Variants in PADI6 observed in about 807,000 individuals in gnomAD.
The protein encoded by PADI6 is inactive protein-arginine deiminase type-6.
Under a neutral mutation model 78.2 loss-of-function variants are expected in PADI6, and 66 were observed. The observed-to-expected ratio is 0.84, with a 90% CI of 0.69 to 1.04. The LOEUF (loss-of-function observed/expected upper bound fraction) is 1.04. Among genes scored for constraint, PADI6 ranks in the 50% least tolerant of loss-of-function variants. PADI6 has a pLI of 0.00. For missense variants in PADI6, 854 were observed against 866.1 expected (o/e 0.99, Z 0.18); for synonymous variants, 397 against 346.9 (o/e 1.14, Z -1.60).
chr1:17,387,462 G>A (rs571411193), intron 6 of PADI6, among the ~76,000 whole-genome samples: 1 of 150,570 alleles, frequency 6.6e-6, no homozygotes, highest in African/African-American at 2.5e-5. Context: ...AAAAGGAGGG[G>A]GGGGGGCCAG....
At chr1:17,381,192 C>T in intron 5 of PADI6, 28 bp downstream of exon 5, 2 of 1,538,680 alleles carry the variant, frequency 1.3e-6, no homozygotes, top group Non-Finnish European at 1.8e-6. Flanking sequence ...CTCTGCCTTT[C>T]CTTCTTGGTC....
chr1:17,372,219 AGTGAGGGCTGC>A lies in PADI6; in HGVS notation c.-25_-15del. The A allele has an allele frequency of 6.2e-7, 1 of 1,600,026 alleles. No homozygotes were observed. Among genetic ancestry groups the A allele is most frequent in the Non-Finnish European group, 8.6e-7 (1 of 1,167,392 alleles). ...TGGGGCGTCTGAGGCTGCTGTGCTG[AGTGAGGGCTGC>A]GGTGCAGGCCTGAGGATGGTCAGCG... On this transcript the variant is annotated 5_prime_UTR_variant, in exon 1 of 16. Coordinates refer to ENST00000619609, the MANE Select transcript of PADI6 (RefSeq NM_207421.4).
rs145873927 is a variant in PADI6 at position 17,394,091 on chromosome 1, C to A, written c.1182+9C>A. The A allele has an allele frequency of 6.2e-7, 1 of 1,610,266 alleles. No individual in the cohort carries two copies. Reference sequence around the variant, plus strand: ...CCATGAAGTACTCACTGGTGTGGAACTTGGTTTGGCTAATCTGAGCTCAGT... The same window carrying A: ...CCATGAAGTACTCACTGGTGTGGAAATTGGTTTGGCTAATCTGAGCTCAGT... On this transcript the variant is annotated intron_variant, in intron 10 of 15. Coordinates refer to ENST00000619609, the MANE Select transcript of PADI6 (RefSeq NM_207421.4).
At position 17,398,846 on chromosome 1, in the gene PADI6, TG is replaced by T; in HGVS notation, c.1851+1del. The T allele has an allele frequency of 6.2e-7, 1 of 1,612,458 alleles. No homozygotes were observed. The highest frequency in any genetic ancestry group is 8.5e-7 in the Non-Finnish European group (1 of 1,179,200). On this transcript the variant is annotated frameshift_variant and splice_region_variant, in exon 15 of 16. Transcript: ENST00000619609. LOFTEE classifies it high-confidence loss of function. The stretch of plus-strand genomic sequence containing the variant: ...TTTGCGAGGCCATACTTCCCTGACC[TG>T]GTGAGGGGCGACTGCGCATCCCTGG... ...RSFARPYFPD[L>X]LRMIVMGKNL...
chr1:17,374,340 C>G (rs1277952048), intron 2 of PADI6, among the ~76,000 whole-genome samples: 1 of 151,956 alleles, frequency 6.6e-6, no homozygotes, highest in African/African-American at 2.4e-5. Flanking sequence ...AACTGAGTGT[C>G]TCTGGCCAGG....
At chr1:17,394,536 C>T in intron 11 of PADI6, 82 bp downstream of exon 11, 1 of 1,436,084 alleles carries the variant, frequency 7.0e-7, no homozygotes, top group South Asian at 1.3e-5. Flanking sequence ...CCCATAGCAC[C>T]TCAGCAGGTC....
chr1:17,379,466 A>T (rs2075051846), intron 3 of PADI6, among the ~76,000 whole-genome samples: 1 of 152,148 alleles, frequency 6.6e-6, no homozygotes, highest in South Asian at 2.1e-4. Flanking sequence ...CATGTTGCCC[A>T]GGCTAGTCTC....
chr1:17,390,326 G>A (rs1450219576), intron 8 of PADI6, among the ~76,000 whole-genome samples: 2 of 151,900 alleles, frequency 1.3e-5, no homozygotes, highest in Admixed American at 1.3e-4. Context: ...ATTGCTGGGT[G>A]TGGTGGCTCA....
intron 15 of PADI6, among the ~76,000 whole-genome samples, chr1:17,399,246 C>A (rs111447330): frequency 1.3e-5 from 2 of 152,208 alleles, no homozygotes; most frequent in Non-Finnish European, 2.9e-5. Context: ...TCTTCCTGTC[C>A]GCTATCTCCA....
intron 8 of PADI6, among the ~76,000 whole-genome samples, chr1:17,391,326 TCTC>T (rs368194471): frequency 3.3e-5 from 5 of 152,170 alleles, no homozygotes; most frequent in Middle Eastern, 3.2e-3. Context: ...TTCCAGCAAT[TCTC>T]CTGCCTCAGC....
At chr1:17,379,738 C>T (rs2075054603) in intron 3 of PADI6, among the ~76,000 whole-genome samples, 182 bp from the exon 4 acceptor site, 1 of 152,208 alleles carries the variant, frequency 6.6e-6, no homozygotes, top group Non-Finnish European at 1.5e-5. Flanking sequence ...TTGGGCCTCT[C>T]CAGGCTTGCT....
At chr1:17,378,768 C>T (rs996206427) in intron 3 of PADI6, among the ~76,000 whole-genome samples, 1 of 151,976 alleles carries the variant, frequency 6.6e-6, no homozygotes, top group Non-Finnish European at 1.5e-5. Flanking sequence ...CCACACCGGG[C>T]TAATTTTTGT....
In PADI6 at chr1:17,388,634, A is replaced by G. The variant is rs1181753609; in HGVS notation, c.858+75A>G. On this transcript the variant is annotated intron_variant, in intron 7 of 15. Transcript: ENST00000619609. Reference sequence around the variant, plus strand: ...GAAAAGCCATCTCCCACAGTTGGGCAGAGCTTGAGGTTTGCTGGGGGAGAG... The same window carrying G: ...GAAAAGCCATCTCCCACAGTTGGGCGGAGCTTGAGGTTTGCTGGGGGAGAG... The G allele has an allele frequency of 5.4e-6, 8 of 1,485,814 alleles. No individual in the cohort carries two copies. The East Asian group carries it at 1.7e-4, about 31-fold the overall frequency. 92.0% of individuals were successfully genotyped at this position (1,485,814 alleles called of 1,614,324 possible).
rs1162197458 is a variant in PADI6, at chr1:17,372,999, C to T, written c.117-57C>T. ...CCGTCCCCTCCCCCATGCCAGTCATCTCCTAGGCTGAGAAGGTGTTTGTGC... is the reference window on the plus strand; with the variant it reads ...CCGTCCCCTCCCCCATGCCAGTCATTTCCTAGGCTGAGAAGGTGTTTGTGC... On this transcript the variant is annotated intron_variant, in intron 1 of 15. Transcript: ENST00000619609. The T allele has an allele frequency of 1.9e-6, 3 of 1,552,040 alleles. No individual in the cohort carries two copies. In the Admixed American group the frequency reaches 5.3e-5, roughly 27 times the overall value.
Position 17,381,965 on chromosome 1 carries a change from A to G in PADI6, c.554-2A>G. On this transcript the variant is annotated splice_acceptor_variant, in intron 5 of 15. Coordinates refer to ENST00000619609, the MANE Select transcript of PADI6 (RefSeq NM_207421.4). LOFTEE classifies it high-confidence loss of function. ...TTAACCTTTGCTTTGTCTTTTGCCC[A>G]GAAATAACGAATCTGTCCCAGATGA... 1.9e-6 allele frequency: 3 copies of G among 1,613,790 alleles called. No individual in the cohort carries two copies. Among genetic ancestry groups the G allele is most frequent in the East Asian group, 2.2e-5 (1 of 44,874 alleles).
In PADI6 at chr1:17,398,746, A is replaced by C; in HGVS notation, c.1750A>C (p.Ile584Leu). ...KTELGLVEQD[I>L]IEIPQLFCLE... The stretch of plus-strand genomic sequence containing the variant: ...GGAGCTGGGCCTGGTGGAACAGGAC[A>C]TCATCGAGATTCCCCAGCTGTTCTG... Residue 584 changes from isoleucine (I) to leucine (L), a missense_variant, in exon 15 of 16, where the codon ATC becomes CTC. By Grantham distance (5) the Ile-to-Leu change is conservative. Transcript: ENST00000619609. 1 of 1,588,658 alleles carries C rather than the reference A, an allele frequency of 6.3e-7. No individual in the cohort carries two copies. The highest frequency in any genetic ancestry group is 1.4e-5 in the African/African-American group (1 of 72,148).
rs2075238224 is a variant in PADI6, at chr1:17,395,549, C to T, written c.1504C>T (p.Leu502=). 5 of 1,555,186 alleles carry T rather than the reference C, an allele frequency of 3.2e-6. No homozygotes were observed. The highest frequency in any genetic ancestry group is 1.4e-5 in the African/African-American group (1 of 73,298). The change falls in exon 13 of 16, where the codon CTG becomes TTG. Residue 502 remains leucine (L), a synonymous_variant. Coordinates refer to ENST00000619609, the MANE Select transcript of PADI6 (RefSeq NM_207421.4). ...AAGTTCTGTTTCCCAGGGCTTCCTGCTGCTCCTGGCCAGCCCCAGTGCCTG... is the reference window on the plus strand; with the variant it reads ...AAGTTCTGTTTCCCAGGGCTTCCTGTTGCTCCTGGCCAGCCCCAGTGCCTG... ...DKNEGKKGFL[L]LLASPSACYK... is the part of the protein sequence containing the mutation.
chr1:17,390,383 T>A lies in PADI6; in HGVS notation c.962+1503T>A, dbSNP rs2762897. 8.9e-4 allele frequency among the ~76,000 whole-genome samples: 134 copies of A among 150,836 alleles called. 2 individuals carry two copies. Among genetic ancestry groups the A allele is most frequent in the African/African-American group, 3.1e-3 (127 of 40,988 alleles). ...GGGAGGCTGAGGCGGGCGGATCACC[T>A]GAGGTCAGGAGTTCAAGACCAGCCT... On this transcript the variant is annotated intron_variant, in intron 8 of 15. Coordinates refer to ENST00000619609, the MANE Select transcript of PADI6 (RefSeq NM_207421.4).
At chr1:17,400,518 GTTTGTT>G (rs2075291970) in intron 15 of PADI6, among the ~76,000 whole-genome samples, 1 of 151,384 alleles carries the variant, frequency 6.6e-6, no homozygotes, top group Admixed American at 6.6e-5. Context: ...TTTTTTGTTT[GTTTGTT>G]TTTGTTTTTT....
Sources: allele counts gnomAD v4.1 joint callset (sites outside exome capture counted in the v4.1 genomes callset), GRCh38; gene constraint gnomAD v4.1.1; transcripts MANE v1.5; gene names NCBI Gene and HGNC (gene_info 2026-07-23, HGNC 2026-07-21).